ADGRB3: variants seen among roughly 807,000 people sequenced by gnomAD.
ADGRB3 encodes the protein adhesion G protein-coupled receptor B3.
In ADGRB3, 37 loss-of-function variants were observed where a neutral mutation model predicts 193.4. The ratio of observed to expected loss-of-function variants is 0.19; its 90% CI spans 0.15 to 0.25. ADGRB3 has a LOEUF of 0.25. ADGRB3 is among the 10% of genes least tolerant of loss of function. ADGRB3 has a pLI of 1.00. For missense variants in ADGRB3, 1,637 were observed against 1,852.9 expected (o/e 0.88, Z 2.14); for synonymous variants, 690 against 644.2 (o/e 1.07, Z -1.08).
chr6:69,289,784 G>A (rs756491846), intron 20 of ADGRB3, among the ~76,000 whole-genome samples: 2 of 151,564 alleles, frequency 1.3e-5, no homozygotes, highest in African/African-American at 2.4e-5. Flanking sequence ...CTGGCTTTCC[G>A]CTGGTTTTCC....
At chr6:69,165,634 T>C (rs1159902522) in intron 17 of ADGRB3, among the ~76,000 whole-genome samples, 1 of 152,076 alleles carries the variant, frequency 6.6e-6, no homozygotes, top group Non-Finnish European at 1.5e-5. Flanking sequence ...TCATCCCTTA[T>C]TTCTTTGGGT....
chr6:69,302,998 A>C (rs1433671725), intron 20 of ADGRB3, among the ~76,000 whole-genome samples: 1 of 151,958 alleles, frequency 6.6e-6, no homozygotes, highest in Non-Finnish European at 1.5e-5. Context: ...ACATAAGACA[A>C]CTTGATGGAG....
chr6:68,811,296 T>A (rs1326587869), intron 3 of ADGRB3, among the ~76,000 whole-genome samples: 4 of 152,182 alleles, frequency 2.6e-5, no homozygotes, highest in African/African-American at 9.7e-5. Flanking sequence ...TCTGTATAAA[T>A]CCATTGAGAT....
At chr6:69,198,197 G>A (rs1765341004) in intron 17 of ADGRB3, among the ~76,000 whole-genome samples, 1 of 151,930 alleles carries the variant, frequency 6.6e-6, no homozygotes, top group South Asian at 2.1e-4. Context: ...TAAGTTCTGT[G>A]AGAGCAGGAC....
chr6:68,920,889 G>A (rs1483738876), intron 3 of ADGRB3, among the ~76,000 whole-genome samples: 1 of 152,162 alleles, frequency 6.6e-6, no homozygotes, highest in Non-Finnish European at 1.5e-5. Context: ...AAGGAAGAAA[G>A]GGAAGTGATA....
intron 16 of ADGRB3, among the ~76,000 whole-genome samples, chr6:69,072,623 C>A (rs1330772281): frequency 6.6e-6 from 1 of 151,992 alleles, no homozygotes; most frequent in Non-Finnish European, 1.5e-5. Context: ...AAAGATTTAA[C>A]TTAATCTACA....
At chr6:69,318,724 G>T (rs1164550561) in intron 20 of ADGRB3, among the ~76,000 whole-genome samples, 2 of 150,926 alleles carry the variant, frequency 1.3e-5, no homozygotes, top group Non-Finnish European at 3.0e-5. Context: ...TACTTTTTTT[G>T]AAGGACTACT....
At chr6:68,665,695 T>C (rs1768784431) in intron 3 of ADGRB3, among the ~76,000 whole-genome samples, 2 of 151,796 alleles carry the variant, frequency 1.3e-5, no homozygotes, top group Non-Finnish European at 2.9e-5. Flanking sequence ...TGTTTTTGCT[T>C]GGATATCTCT....
At chr6:69,380,412 T>C (rs1430834288) in intron 30 of ADGRB3, among the ~76,000 whole-genome samples, 1 of 151,906 alleles carries the variant, frequency 6.6e-6, no homozygotes, top group Non-Finnish European at 1.5e-5. Context: ...AAACAAAAAT[T>C]ATCAGATGCT....
rs139422452 is a variant in ADGRB3, at chr6:68,938,907, C to G, written c.1030+2227C>G. Among the ~76,000 whole-genome samples the G allele has an allele frequency of 9.8e-3, 1,492 of 152,176 alleles. 23 individuals carry two copies. Among genetic ancestry groups the G allele is most frequent in the African/African-American group, 0.034 (1,416 of 41,516 alleles). On this transcript the variant is annotated intron_variant, in intron 5 of 31. Coordinates refer to ENST00000370598, the MANE Select transcript of ADGRB3 (RefSeq NM_001704.3). The stretch of plus-strand genomic sequence containing the variant: ...TCTAATCAGCCTGTGTTTGAATAGC[C>G]AAGACCCTTTCAACATACAGGGATA...
intron 17 of ADGRB3, among the ~76,000 whole-genome samples, chr6:69,152,619 T>C (rs190683621): frequency 1.3e-5 from 2 of 152,186 alleles, no homozygotes; most frequent in African/African-American, 4.8e-5. Flanking sequence ...GGCTACACAA[T>C]TTTTAAATCC....
intron 3 of ADGRB3, among the ~76,000 whole-genome samples, chr6:68,653,505 G>A (rs1017484685): frequency 1.3e-5 from 2 of 151,890 alleles, no homozygotes; most frequent in African/African-American, 4.8e-5. Context: ...TGTACTCTGA[G>A]GTAGCTGCAT....
At chr6:68,882,506 C>G (rs1379116869) in intron 3 of ADGRB3, among the ~76,000 whole-genome samples, 2 of 152,058 alleles carry the variant, frequency 1.3e-5, no homozygotes, top group Non-Finnish European at 2.9e-5. Flanking sequence ...TAATTATCAT[C>G]TCAAAGGTTT....
chr6:69,375,101 G>T lies in ADGRB3; in HGVS notation c.4275+2660G>T, dbSNP rs572848044. Among the ~76,000 whole-genome samples the T allele has an allele frequency of 7.2e-5, 11 of 152,224 alleles. No individual in the cohort carries two copies. The South Asian group carries it at 2.3e-3, about 32-fold the overall frequency. On this transcript the variant is annotated intron_variant, in intron 30 of 31. Transcript: ENST00000370598. ...TGTCTATGGAAGAAGAGACTAAAGT[G>T]AGTAATTTAGAAACCATGCCTTATA...
chr6:68,718,737 T>C (rs1765526118), intron 3 of ADGRB3, among the ~76,000 whole-genome samples: 1 of 151,826 alleles, frequency 6.6e-6, no homozygotes, highest in Non-Finnish European at 1.5e-5. Flanking sequence ...CTTGTACTTA[T>C]ACGGAGTTAT....
At chr6:69,198,456 G>A (rs947880487) in intron 17 of ADGRB3, among the ~76,000 whole-genome samples, 44 of 152,162 alleles carry the variant, frequency 2.9e-4, no homozygotes, top group African/African-American at 9.9e-4. Context: ...AAGATGGAGC[G>A]TGGGATGATG....
intron 20 of ADGRB3, among the ~76,000 whole-genome samples, chr6:69,324,614 CA>C (rs1185882302): frequency 1.3e-5 from 2 of 152,034 alleles, no homozygotes; most frequent in African/African-American, 4.8e-5. Context: ...CCCTTGAGTT[CA>C]AATTTACATT....
chr6:68,853,523 A>T (rs1413032757), intron 3 of ADGRB3, among the ~76,000 whole-genome samples: 1 of 152,082 alleles, frequency 6.6e-6, no homozygotes, highest in Admixed American at 6.6e-5. Flanking sequence ...AGAAGAAAAC[A>T]TGTAGGTATT....
At chr6:69,235,841 G>A (rs191526076) in intron 19 of ADGRB3, among the ~76,000 whole-genome samples, 21 of 151,914 alleles carry the variant, frequency 1.4e-4, no homozygotes, top group Admixed American at 3.9e-4. Context: ...GAAGTTTATC[G>A]TCTACTCACA....
Sources: gnomAD v4.1 joint callset for allele counts (sites outside exome capture counted in the v4.1 genomes callset) on GRCh38, gnomAD v4.1.1 for gene constraint, MANE v1.5 for transcripts, NCBI Gene and HGNC (gene_info 2026-07-23, HGNC 2026-07-21) for gene names.